The following SPOCK1 variants were observed in gnomAD, a reference collection of about 807,000 sequenced individuals.
SPOCK1 encodes the protein testican-1.
In SPOCK1, 23 loss-of-function variants were observed where a neutral mutation model predicts 55.3. The ratio of observed to expected loss-of-function variants is 0.42; its 90% CI spans 0.30 to 0.59. The LOEUF (loss-of-function observed/expected upper bound fraction) is 0.59. Ranked by LOEUF, SPOCK1 falls within the 20% of genes least tolerant of loss-of-function variation. The pLI, the probability that SPOCK1 is intolerant of heterozygous loss-of-function variation, is 0.22. For synonymous variants in SPOCK1, 226 were observed against 221.0 expected (o/e 1.02, Z -0.20); for missense variants, 499 against 552.5 (o/e 0.90, Z 0.97).
chr5:137,127,896 A>G (rs1753806214), intron 4 of SPOCK1, among the ~76,000 whole-genome samples: 1 of 152,218 alleles, frequency 6.6e-6, no homozygotes, highest in Non-Finnish European at 1.5e-5. Flanking sequence ...ATGAATTAAG[A>G]CGTTTATGGC....
intron 6 of SPOCK1, among the ~76,000 whole-genome samples, chr5:137,051,662 C>T (rs1288597887): frequency 1.3e-5 from 2 of 151,930 alleles, no homozygotes; most frequent in African/African-American, 2.4e-5. Context: ...ATGAAGAATT[C>T]ATATCAAATT....
intron 6 of SPOCK1, among the ~76,000 whole-genome samples, chr5:137,056,315 C>T (rs955677246): frequency 1.3e-4 from 20 of 152,184 alleles, no homozygotes; most frequent in Admixed American, 1.2e-3. Context: ...ATCCTGGAGG[C>T]TGGGGAGAAC....
At chr5:136,987,540 G>T (rs1750867799) in intron 8 of SPOCK1, among the ~76,000 whole-genome samples, 1 of 152,094 alleles carries the variant, frequency 6.6e-6, no homozygotes, top group South Asian at 2.1e-4. Context: ...AATTTTAAAA[G>T]GCACATGCCT....
At chr5:137,229,230 A>G (rs2127092585) in intron 3 of SPOCK1, among the ~76,000 whole-genome samples, 1 of 152,362 alleles carries the variant, frequency 6.6e-6, no homozygotes, top group East Asian at 1.9e-4. Context: ...AAAGGGGAGA[A>G]AAAAAGAAAA....
intron 3 of SPOCK1, among the ~76,000 whole-genome samples, chr5:137,256,603 A>G (rs1756637250): frequency 1.3e-5 from 2 of 152,220 alleles, no homozygotes; most frequent in South Asian, 4.2e-4. Context: ...CCACCTCTCA[A>G]CATTATTGCA....
chr5:137,051,780 A>G (rs1175513518), intron 6 of SPOCK1, among the ~76,000 whole-genome samples: 1 of 152,236 alleles, frequency 6.6e-6, no homozygotes, highest in Admixed American at 6.5e-5. Flanking sequence ...CAAATAGCAT[A>G]CACGCACACA....
intron 3 of SPOCK1, among the ~76,000 whole-genome samples, chr5:137,146,363 G>A (rs1391385135): frequency 6.6e-6 from 1 of 152,156 alleles, no homozygotes; most frequent in East Asian, 1.9e-4. Flanking sequence ...GCCCACTCTG[G>A]TGAGTTCCAG....
chr5:137,059,590 T>C (rs1055527523), intron 6 of SPOCK1, among the ~76,000 whole-genome samples: 1 of 152,012 alleles, frequency 6.6e-6, no homozygotes, highest in Non-Finnish European at 1.5e-5. Flanking sequence ...AAAACAAAAA[T>C]TGACAAATGG....
chr5:137,439,757 A>G (rs1752949003), intron 2 of SPOCK1, among the ~76,000 whole-genome samples: 1 of 152,210 alleles, frequency 6.6e-6, no homozygotes. Context: ...GCTGGCTCCC[A>G]GTAAAAATGG....
chr5:136,986,570 GAT>G, intron 8 of SPOCK1, among the ~76,000 whole-genome samples: 1 of 152,088 alleles, frequency 6.6e-6, no homozygotes. Flanking sequence ...ATTTGCAGAT[GAT>G]ATGATTGCAC....
intron 2 of SPOCK1, among the ~76,000 whole-genome samples, chr5:137,292,155 T>C (rs1217835178): frequency 6.6e-6 from 1 of 152,160 alleles, no homozygotes; most frequent in Non-Finnish European, 1.5e-5. Flanking sequence ...GCTTTGTATG[T>C]AAGCCAGCCT....
intron 2 of SPOCK1, among the ~76,000 whole-genome samples, chr5:137,304,971 G>A (rs746008054): frequency 1.3e-5 from 2 of 152,224 alleles, no homozygotes; most frequent in Non-Finnish European, 2.9e-5. Flanking sequence ...TCTCAGTTTC[G>A]GAGGCTGGAA....
intron 2 of SPOCK1, among the ~76,000 whole-genome samples, chr5:137,343,205 A>G (rs1183974551): frequency 6.6e-6 from 1 of 152,212 alleles, no homozygotes; most frequent in Non-Finnish European, 1.5e-5. Context: ...TCCCCTCTCC[A>G]GTGTTCATGC....
At chr5:137,142,425 C>G (rs1354836569) in intron 3 of SPOCK1, among the ~76,000 whole-genome samples, 1 of 152,148 alleles carries the variant, frequency 6.6e-6, no homozygotes, top group African/African-American at 2.4e-5. Flanking sequence ...ACTTGAACAG[C>G]TTAACTGGCT....
chr5:137,128,796 C>T (rs1384573865), intron 4 of SPOCK1, among the ~76,000 whole-genome samples: 3 of 152,232 alleles, frequency 2.0e-5, no homozygotes, highest in Non-Finnish European at 4.4e-5. Context: ...CCTCCCCCAA[C>T]CCCAACTGTA....
intron 3 of SPOCK1, among the ~76,000 whole-genome samples, chr5:137,223,847 G>T (rs971698191): frequency 4.6e-5 from 7 of 152,114 alleles, no homozygotes; most frequent in Non-Finnish European, 1.0e-4. Flanking sequence ...GGACAAAAGG[G>T]TCATTTGTGG....
At chr5:137,250,637 C>A (rs560332662) in intron 3 of SPOCK1, among the ~76,000 whole-genome samples, 2 of 152,088 alleles carry the variant, frequency 1.3e-5, no homozygotes, top group Admixed American at 1.3e-4. Context: ...GCTTGGGAAG[C>A]TGAATCTTTC....
In SPOCK1 at chr5:137,217,102, A is replaced by G. The variant is rs187888916; in HGVS notation, c.232+49908T>C. 2.9e-3 allele frequency among the ~76,000 whole-genome samples: 443 copies of G among 152,332 alleles called. 2 individuals are homozygous for G. The highest frequency in any genetic ancestry group is 6.0e-3 in the African/African-American group (250 of 41,576). On this transcript the variant is annotated intron_variant, in intron 3 of 10. Coordinates refer to ENST00000394945, the MANE Select transcript of SPOCK1 (RefSeq NM_004598.4). ...ACAGGGAGGCCCATGAGAAGCCACAAGGAATCAAGATAAACCAACAAAGAC... is the reference window on the plus strand; with the variant it reads ...ACAGGGAGGCCCATGAGAAGCCACAGGGAATCAAGATAAACCAACAAAGAC...
intron 2 of SPOCK1, among the ~76,000 whole-genome samples, chr5:137,378,533 T>C (rs537170853): frequency 3.3e-5 from 5 of 152,234 alleles, no homozygotes; most frequent in Admixed American, 6.5e-5. Context: ...GATACGCTAA[T>C]GAACCCAAAG....
Sources: gnomAD v4.1 joint callset for allele counts (sites outside exome capture counted in the v4.1 genomes callset) on GRCh38, gnomAD v4.1.1 for gene constraint, MANE v1.5 for transcripts, NCBI Gene and HGNC (gene_info 2026-07-23, HGNC 2026-07-21) for gene names.